MTA2: variants seen among roughly 807,000 people sequenced by gnomAD.
MTA2 encodes metastasis associated 1 family member 2, also known as metastasis-associated protein MTA2.
In MTA2, 22 loss-of-function variants were observed where a neutral mutation model predicts 87.1. That is an observed-to-expected ratio of 0.25 (90% CI 0.18 to 0.36). MTA2 has a LOEUF of 0.36. Ranked by LOEUF, MTA2 falls within the 10% of genes least tolerant of loss-of-function variation. The pLI, the probability that MTA2 is intolerant of heterozygous loss-of-function variation, is 1.00. For missense variants in MTA2, 542 were observed against 853.2 expected (o/e 0.64, Z 4.54); for synonymous variants, 314 against 310.1 (o/e 1.01, Z -0.13).
chr11:62,601,353 G>A, intron 1 of MTA2, 70 bp downstream of exon 1: 4 of 1,568,776 alleles, frequency 2.5e-6, no homozygotes, highest in Non-Finnish European at 3.5e-6. Context: ...GCCACCCGGT[G>A]CCGAGCCCCT....
Position 62,594,368 on chromosome 11 carries a change from G to C in MTA2, c.1732C>G (p.Pro578Ala), listed in dbSNP as rs1171269850. The change falls in exon 17 of 18, where the codon CCT (proline) becomes GCT (alanine). Residue 578 changes from proline (P) to alanine (A), a missense_variant. This residue lies in a region of MTA2 where 269 missense variants were observed against 346.4 expected (regional missense o/e 0.78). Coordinates refer to ENST00000278823, the MANE Select transcript of MTA2 (RefSeq NM_004739.4). ...AGVPFSANGRPLASGIRSSSQ... is the reference protein window; with the variant it reads ...AGVPFSANGRALASGIRSSSQ... ...CTTGAACGAATCCCTGAAGCCAGAG[G>C]CCTTCCATTGGCAGAGAAAGGAACC... 6.2e-7 allele frequency: 1 copy of C among 1,614,076 alleles called. No individual in the cohort carries two copies. The highest frequency in any genetic ancestry group is 8.5e-7 in the Non-Finnish European group (1 of 1,180,036).
In MTA2 at chr11:62,594,596, T is replaced by C. The variant is rs1942072261; in HGVS notation, c.1612A>G (p.Thr538Ala). ...APLKPKTPRG[T>A]KTPINRNQLS... Reference sequence around the variant, plus strand: ...TGGTTTCTGTTGATCGGTGTCTTGGTACCCCGAGGTGTTTTTGGTTTCAGG... The same window carrying C: ...TGGTTTCTGTTGATCGGTGTCTTGGCACCCCGAGGTGTTTTTGGTTTCAGG... The change falls in exon 16 of 18, where the codon ACC (threonine) becomes GCC (alanine). Residue 538 changes from threonine (T) to alanine (A), a missense_variant. This residue lies in a region of MTA2 where 269 missense variants were observed against 346.4 expected (regional missense o/e 0.78). Transcript: ENST00000278823. 1 of 1,614,168 alleles carries C rather than the reference T, an allele frequency of 6.2e-7. No individual in the cohort carries two copies. The highest frequency in any genetic ancestry group is 8.5e-7 in the Non-Finnish European group (1 of 1,180,030).
chr11:62,597,641 G>C lies in MTA2; in HGVS notation c.562C>G (p.Arg188Gly), dbSNP rs771442182. 1.2e-6 allele frequency: 2 copies of C among 1,614,106 alleles called. No individual in the cohort carries two copies. Among genetic ancestry groups the C allele is most frequent in the Non-Finnish European group, 1.7e-6 (2 of 1,180,010 alleles). The change falls in exon 7 of 18, where the codon CGG becomes GGG. Residue 188 changes from arginine to glycine, a missense_variant. Arg to Gly is a moderately radical substitution (Grantham distance 125). Coordinates refer to ENST00000278823, the MANE Select transcript of MTA2 (RefSeq NM_004739.4). ...VWDPDNPLTD[R>G]QIDQFLVVAR... ...ACCACAAGAAACTGGTCGATCTGCC[G>C]GTCTGTGAGAGGGTTGTCTGGGTCC...
chr11:62,598,654 A>G lies in MTA2; in HGVS notation c.191-15T>C. 1 of 1,609,604 alleles carries G rather than the reference A, an allele frequency of 6.2e-7. No homozygotes were observed. On this transcript the variant is annotated splice_polypyrimidine_tract_variant and intron_variant, in intron 3 of 17. Coordinates refer to ENST00000278823, the MANE Select transcript of MTA2 (RefSeq NM_004739.4). ...TTCAAACTCCCCTGGGAGATTAAAG[A>G]GGAAGAAACCAAGTCAGAAATGGAT...
rs1942130230 is a variant in MTA2 at position 62,598,527 on chromosome 11, G to A, written c.303C>T (p.His101=). Residue 101 remains histidine, a synonymous_variant, in exon 4 of 18, where the codon CAC becomes CAT. Transcript: ENST00000278823. ...TGGCCCCAGTTGTCCTGTACCGTAT[G>A]TGGGTGGCTGGTAATGATTCAAATT... ...SRQFESLPAT[H]IRGKCSVTLL... 1.9e-6 allele frequency: 3 copies of A among 1,614,060 alleles called. No individual in the cohort carries two copies. The highest frequency in any genetic ancestry group is 2.5e-6 in the Non-Finnish European group (3 of 1,179,926).
rs1168585295 is a variant in MTA2 at position 62,597,719 on chromosome 11, A to T, written c.491-7T>A. ...TTCCGATTATCAGATTCTCCTGGGG[A>T]AAAGAACAATGGCATCAACAGGGAG... On this transcript the variant is annotated splice_region_variant and splice_polypyrimidine_tract_variant and intron_variant, in intron 6 of 17. Transcript: ENST00000278823. 6.2e-7 allele frequency: 1 copy of T among 1,612,818 alleles called. No homozygotes were observed. Among genetic ancestry groups the T allele is most frequent in the Admixed American group, 1.7e-5 (1 of 59,876 alleles).
At chr11:62,596,986 G>A (rs933780683) in intron 8 of MTA2, among the ~76,000 whole-genome samples, 161 bp from the exon 9 acceptor site, 2 of 151,962 alleles carry the variant, frequency 1.3e-5, no homozygotes, top group Admixed American at 1.3e-4. Context: ...TCAGGAGATC[G>A]AGATCATCCT....
At chr11:62,596,564 G>A in intron 9 of MTA2, 32 bp from the exon 10 acceptor site, 1 of 1,613,392 alleles carries the variant, frequency 6.2e-7, no homozygotes, top group Non-Finnish European at 8.5e-7. Context: ...AGAATGAGCT[G>A]GCATCTGGCC....
At chr11:62,600,807 G>C in intron 1 of MTA2, 118 bp from the exon 2 acceptor site, 2 of 806,610 alleles carry the variant, frequency 2.5e-6, no homozygotes, top group Non-Finnish European at 4.0e-6. Context: ...GATTCAGGTA[G>C]AAAGGGCGCT....
At chr11:62,594,671 C>G in intron 15 of MTA2, 37 bp from the exon 16 acceptor site, 2 of 1,569,248 alleles carry the variant, frequency 1.3e-6, no homozygotes, top group Non-Finnish European at 1.8e-6. Flanking sequence ...CCTTTTCTTC[C>G]CACGCAGTTC....
In MTA2 at chr11:62,598,624, T is replaced by G. The variant is rs1213285041; in HGVS notation, c.206A>C (p.Glu69Ala). Residue 69 changes from glutamate (E) to alanine (A), a missense_variant, in exon 4 of 18, where the codon GAA becomes GCA. This residue lies in a region of MTA2 where 150 missense variants were observed against 243.9 expected (regional missense o/e 0.62). Coordinates refer to ENST00000278823, the MANE Select transcript of MTA2 (RefSeq NM_004739.4). ...ADSNAREFEE[E>A]SKQPGVSEQQ... ...CTCAGACACCCCTGGCTGCTTTGATTCCTCTTCAAACTCCCCTGGGAGATT... is the reference window on the plus strand; with the variant it reads ...CTCAGACACCCCTGGCTGCTTTGATGCCTCTTCAAACTCCCCTGGGAGATT... The G allele has an allele frequency of 6.2e-7, 1 of 1,613,962 alleles. No individual in the cohort carries two copies. Among genetic ancestry groups the G allele is most frequent in the Non-Finnish European group, 8.5e-7 (1 of 1,180,010 alleles).
intron 8 of MTA2, 79 bp downstream of exon 8, chr11:62,597,237 T>A: frequency 1.1e-6 from 1 of 943,314 alleles, no homozygotes; most frequent in Non-Finnish European, 1.6e-6. Flanking sequence ...CCCTCAGAGA[T>A]ACCCTCCTCT....
At position 62,596,310 on chromosome 11, in the gene MTA2, T is replaced by C; in HGVS notation, c.985A>G (p.Ser329Gly). Reference sequence around the variant, plus strand: ...GGAATGTAGACCTGTTTCAGTTTGCTGTCTGCTTCAGCAGCTTTCAACCTT... The same window carrying C: ...GGAATGTAGACCTGTTTCAGTTTGCCGTCTGCTTCAGCAGCTTTCAACCTT... ...QKRLKAAEAD[S>G]KLKQVYIPTY... Residue 329 changes from serine to glycine, a missense_variant, in exon 11 of 18, where the codon AGC becomes GGC. Physicochemically the swap from Ser to Gly is moderately conservative, Grantham distance 56 (BLOSUM62 0). Around this residue, in one of 6 missense-constraint regions of MTA2, gnomAD observed 46 missense variants for 109.1 expected, o/e 0.42. Transcript: ENST00000278823. The C allele has an allele frequency of 6.2e-7, 1 of 1,614,208 alleles. No homozygotes were observed. The highest frequency in any genetic ancestry group is 8.5e-7 in the Non-Finnish European group (1 of 1,180,036).
At position 62,595,704 on chromosome 11, in the gene MTA2, T is replaced by A; in HGVS notation, c.1254+48A>T. ...TTCTGGCCTTCACCTAAGCTCACCA[T>A]CAATATGCTTACTGCTCTCCCCTGC... On this transcript the variant is annotated intron_variant, in intron 13 of 17. Transcript: ENST00000278823. This position sits in a 1 kb window ranked among gnomAD's most constrained non-coding sequence, Gnocchi z 4.9. 6.2e-7 allele frequency: 1 copy of A among 1,606,914 alleles called. No homozygotes were observed. Among genetic ancestry groups the A allele is most frequent in the Non-Finnish European group, 8.5e-7 (1 of 1,175,796 alleles).
chr11:62,596,255 G>T, intron 11 of MTA2, 24 bp downstream of exon 11: 1 of 1,612,914 alleles, frequency 6.2e-7, no homozygotes. Flanking sequence ...AAACACTCTG[G>T]TCTCCCCTAC....
intron 2 of MTA2, 91 bp downstream of exon 2, chr11:62,600,531 A>G: frequency 8.4e-7 from 1 of 1,188,316 alleles, no homozygotes; most frequent in Non-Finnish European, 1.2e-6. Flanking sequence ...ATGAATGGGT[A>G]CTTAGTATAG....
At chr11:62,594,473 G>A (rs1322721006) in intron 16 of MTA2, 43 bp downstream of exon 16, 2 of 1,612,970 alleles carry the variant, frequency 1.2e-6, no homozygotes, top group African/African-American at 2.7e-5. Flanking sequence ...AGAGACAAAA[G>A]CCCACCCAAC....
intron 1 of MTA2, 85 bp downstream of exon 1, chr11:62,601,338 C>G: frequency 6.5e-7 from 1 of 1,529,462 alleles, no homozygotes; most frequent in Non-Finnish European, 8.9e-7. Flanking sequence ...TACGCTGCGC[C>G]TCGCGCCACC....
intron 15 of MTA2, 130 bp from the exon 16 acceptor site, chr11:62,594,764 C>G (rs1454387447): frequency 1.1e-6 from 1 of 903,200 alleles, no homozygotes; most frequent in East Asian, 2.5e-5. Context: ...AATGTTCTGG[C>G]AAGCTATCAC....
Sources: allele counts gnomAD v4.1 joint callset (sites outside exome capture counted in the v4.1 genomes callset), GRCh38; gene constraint gnomAD v4.1.1; regional missense constraint gnomAD v4.1.1; non-coding constraint Gnocchi (gnomAD v3.1); transcripts MANE v1.5; gene names NCBI Gene and HGNC (gene_info 2026-07-23, HGNC 2026-07-21).